The following LHFPL5 variants were observed in gnomAD, a reference collection of about 807,000 sequenced individuals.
The protein encoded by LHFPL5 is LHFPL tetraspan subfamily member 5 protein.
LHFPL5 carries 12 observed loss-of-function variants against 18.7 expected under a neutral mutation model. The ratio of observed to expected loss-of-function variants is 0.64; its 90% CI spans 0.41 to 1.04. The LOEUF (loss-of-function observed/expected upper bound fraction) is 1.04, where lower values mean the gene tolerates loss of function less well. LHFPL5 is among the 50% of genes least tolerant of loss of function. The pLI is 0.00. For synonymous variants in LHFPL5, 111 were observed against 120.2 expected (o/e 0.92, Z 0.50); for missense variants, 259 against 292.1 (o/e 0.89, Z 0.83).
At position 35,805,523 on chromosome 6, in the gene LHFPL5, C is replaced by T. The variant is rs1189623466; in HGVS notation, c.-148C>T. 4.1e-6 allele frequency: 3 copies of T among 733,690 alleles called. No individual in the cohort carries two copies. The highest frequency in any genetic ancestry group is 4.7e-6 in the Non-Finnish European group (2 of 429,548). The allele number at this position is 733,690 out of a possible 1,614,324, so 45.4% of individuals were successfully genotyped here. A position where few individuals can be genotyped will look rare whatever the true frequency, so the allele number is the denominator to read the frequency against. ...TGTCCTTGTCCTATTAAGCCTCTTC[C>T]CCTTGCCTTGAAGGGACCTCACCTG... is the stretch of plus-strand genomic sequence containing the variant. On this transcript the variant is annotated 5_prime_UTR_variant, in exon 1 of 4. Coordinates refer to ENST00000360215, the MANE Select transcript of LHFPL5 (RefSeq NM_182548.4). This position sits in a 1 kb window ranked among gnomAD's most constrained non-coding sequence, Gnocchi z 4.3.
At chr6:35,821,059 T>C (rs1768856461) in intron 3 of LHFPL5, among the ~76,000 whole-genome samples, 1 of 152,122 alleles carries the variant, frequency 6.6e-6, no homozygotes, top group African/African-American at 2.4e-5. Flanking sequence ...ATCCCAGCAC[T>C]TTGGGAGACT....
At chr6:35,817,047 A>C (rs765968980) in intron 2 of LHFPL5, among the ~76,000 whole-genome samples, 1 of 152,076 alleles carries the variant, frequency 6.6e-6, no homozygotes, top group Non-Finnish European at 1.5e-5. Context: ...AAAAGAGGCC[A>C]GATGCGGTGG....
chr6:35,823,607 T>G lies in LHFPL5; in HGVS notation c.*642T>G, dbSNP rs1768919665. The stretch of plus-strand genomic sequence containing the variant: ...GGTCTTTTGCTTCTCCCTTCTCATA[T>G]TTTGTTTTCTTATTGCTGCTCAGAG... On this transcript the variant is annotated 3_prime_UTR_variant, in exon 4 of 4. Transcript: ENST00000360215. 1 of 148,918 alleles carries G rather than the reference T, an allele frequency of 6.7e-6. No homozygotes were observed. The highest frequency in any genetic ancestry group is 2.2e-4 in the South Asian group (1 of 4,456). 9.2% of individuals were successfully genotyped at this position (148,918 alleles called of 1,614,324 possible). A position where few individuals can be genotyped will look rare whatever the true frequency, so the allele number is the denominator to read the frequency against.
chr6:35,808,812 G>A (rs948504227), intron 1 of LHFPL5, among the ~76,000 whole-genome samples: 1 of 151,736 alleles, frequency 6.6e-6, no homozygotes, highest in Admixed American at 6.6e-5. Context: ...GTGCCAGGAG[G>A]GGGAGGGGTT....
Position 35,805,619 on chromosome 6 carries a change from G to C in LHFPL5, c.-52G>C, listed in dbSNP as rs1357522787. The C allele has an allele frequency of 6.2e-7, 1 of 1,602,378 alleles. No individual in the cohort carries two copies. On this transcript the variant is annotated 5_prime_UTR_variant, in exon 1 of 4. Coordinates refer to ENST00000360215, the MANE Select transcript of LHFPL5 (RefSeq NM_182548.4). The surrounding 1 kb of genome is among the most constrained non-coding windows in gnomAD (Gnocchi z 4.3). ...CTGCTTCTAGGCCTCCATCCACAAA[G>C]CTACGGACTTGCAGCCCACGGGACC...
chr6:35,808,564 C>CATATAT (rs56343421), intron 1 of LHFPL5, among the ~76,000 whole-genome samples: 20 of 87,260 alleles, frequency 2.3e-4, no homozygotes, highest in East Asian at 8.4e-4. Flanking sequence ...TCATTTTATA[C>CATATAT]ATATATATAT....
intron 3 of LHFPL5, among the ~76,000 whole-genome samples, chr6:35,821,448 T>TG (rs1768864214): frequency 2.2e-5 from 3 of 137,770 alleles, no homozygotes; most frequent in South Asian, 2.5e-4. Flanking sequence ...GAGCATAATC[T>TG]TTGTGTGTGT....
chr6:35,805,462 A>G lies in LHFPL5; in HGVS notation c.-209A>G, dbSNP rs1413214740. On this transcript the variant is annotated 5_prime_UTR_variant, in exon 1 of 4. Coordinates refer to ENST00000360215, the MANE Select transcript of LHFPL5 (RefSeq NM_182548.4). This position sits in a 1 kb window ranked among gnomAD's most constrained non-coding sequence, Gnocchi z 4.3. ...AGACAGCCTCGGCTAGAGCGGACACAGGCACCTGGCAAGCTTTCCTTGACC... is the reference window on the plus strand; with the variant it reads ...AGACAGCCTCGGCTAGAGCGGACACGGGCACCTGGCAAGCTTTCCTTGACC... The G allele has an allele frequency of 3.4e-6, 2 of 594,814 alleles. No individual in the cohort carries two copies. The highest frequency in any genetic ancestry group is 6.0e-6 in the Non-Finnish European group (2 of 332,310). The allele number at this position is 594,814 out of a possible 1,614,324, so 36.8% of individuals were successfully genotyped here.
chr6:35,814,523 G>A lies in LHFPL5; in HGVS notation c.413-23G>A. ...CTAGGCACACTCGGCCTGATGCCAT[G>A]TGCACCCCTCCTTCCCCCTCAGCCA... On this transcript the variant is annotated intron_variant, in intron 1 of 3. Transcript: ENST00000360215. The surrounding 1 kb of genome is among the most constrained non-coding windows in gnomAD (Gnocchi z 4.2). 1 of 1,578,196 alleles carries A rather than the reference G, an allele frequency of 6.3e-7. No individual in the cohort carries two copies. The highest frequency in any genetic ancestry group is 8.7e-7 in the Non-Finnish European group (1 of 1,147,282).
intron 2 of LHFPL5, among the ~76,000 whole-genome samples, chr6:35,818,226 G>C (rs550094133): frequency 3.1e-4 from 47 of 151,910 alleles, no homozygotes; most frequent in Non-Finnish European, 6.0e-4. Context: ...AAACAAGAGT[G>C]ATTGCTAATG....
Position 35,805,930 on chromosome 6 carries a change from C to T in LHFPL5, c.260C>T (p.Ser87Phe), listed in dbSNP as rs781420668. 6 of 1,614,248 alleles carry T rather than the reference C, an allele frequency of 3.7e-6. No individual in the cohort carries two copies. Among genetic ancestry groups the T allele is most frequent in the Non-Finnish European group, 5.1e-6 (6 of 1,180,042 alleles). ...LICKGGPLDF[S>F]SIPSRAFKTA... ...TGCAAGGGCGGCCCCCTAGACTTCT[C>T]CTCCATCCCCTCTAGAGCCTTCAAG... The change falls in exon 1 of 4, where the codon TCC (serine) becomes TTC (phenylalanine). Residue 87 changes from serine to phenylalanine, a missense_variant. Coordinates refer to ENST00000360215, the MANE Select transcript of LHFPL5 (RefSeq NM_182548.4). This position sits in a 1 kb window ranked among gnomAD's most constrained non-coding sequence, Gnocchi z 4.3.
intron 3 of LHFPL5, among the ~76,000 whole-genome samples, chr6:35,822,413 T>G (rs978428076): frequency 1.3e-5 from 2 of 152,216 alleles, no homozygotes; most frequent in African/African-American, 4.8e-5. Context: ...ATGAGGAAAT[T>G]TGCATGTCTA....
At chr6:35,806,385 A>G (rs908833351) in intron 1 of LHFPL5, among the ~76,000 whole-genome samples, 2 of 152,156 alleles carry the variant, frequency 1.3e-5, no homozygotes, top group South Asian at 4.1e-4. Flanking sequence ...AGGAGCACAC[A>G]GTTGCCAGTC....
intron 2 of LHFPL5, 118 bp from the exon 3 acceptor site, chr6:35,819,319 G>A: frequency 1.1e-6 from 1 of 935,872 alleles, no homozygotes; most frequent in African/African-American, 1.6e-5. Flanking sequence ...ACAAAAAAGT[G>A]CAAGCTTTCT....
Position 35,814,597 on chromosome 6 carries a change from G to C in LHFPL5, c.464G>C (p.Ser155Thr). ...GTCTACCCTGATGGTTGGGACTCAA[G>C]TGAGGTGCGGCGCATGTGTGGGGAG... The part of the protein sequence containing the change: ...CLVYPDGWDS[S>T]EVRRMCGEQT... The change falls in exon 2 of 4, where the codon AGT becomes ACT. Residue 155 changes from serine to threonine, a missense_variant. By Grantham distance (58) the Ser-to-Thr change is moderately conservative. Transcript: ENST00000360215. This position sits in a 1 kb window ranked among gnomAD's most constrained non-coding sequence, Gnocchi z 4.2. 1 of 1,614,196 alleles carries C rather than the reference G, an allele frequency of 6.2e-7. No individual in the cohort carries two copies. The highest frequency in any genetic ancestry group is 1.7e-5 in the Admixed American group (1 of 60,026).
At chr6:35,818,467 T>C (rs555071202) in intron 2 of LHFPL5, among the ~76,000 whole-genome samples, 1 of 148,016 alleles carries the variant, frequency 6.8e-6, no homozygotes, top group Non-Finnish European at 1.5e-5. Flanking sequence ...CAAGTGATCC[T>C]CCCATATTAG....
At chr6:35,809,272 T>C (rs1285211323) in intron 1 of LHFPL5, among the ~76,000 whole-genome samples, 1 of 152,210 alleles carries the variant, frequency 6.6e-6, no homozygotes, top group Non-Finnish European at 1.5e-5. Flanking sequence ...TAGTCAGGGC[T>C]GCCATAACAA....
At chr6:35,806,660 T>C (rs1030516612) in intron 1 of LHFPL5, among the ~76,000 whole-genome samples, 2 of 152,214 alleles carry the variant, frequency 1.3e-5, no homozygotes, top group Non-Finnish European at 2.9e-5. Context: ...GTTACTATTA[T>C]GCAGGGTATG....
chr6:35,808,976 C>T (rs1223827471), intron 1 of LHFPL5, among the ~76,000 whole-genome samples: 8 of 152,006 alleles, frequency 5.3e-5, no homozygotes, highest in Admixed American at 5.2e-4. Flanking sequence ...GGAAATGAGC[C>T]GAAGGGAGAG....
Sources: allele counts gnomAD v4.1 joint callset (sites outside exome capture counted in the v4.1 genomes callset), GRCh38; gene constraint gnomAD v4.1.1; non-coding constraint Gnocchi (gnomAD v3.1); transcripts MANE v1.5; gene names NCBI Gene and HGNC (gene_info 2026-07-23, HGNC 2026-07-21).